Variants in NBAS observed in about 807,000 individuals in gnomAD.
NBAS encodes NBAS subunit of NRZ tethering complex.
NBAS carries 219 observed loss-of-function variants against 302.5 expected under a neutral mutation model. The ratio of observed to expected loss-of-function variants is 0.72; its 90% CI spans 0.65 to 0.81. The LOEUF (loss-of-function observed/expected upper bound fraction) is 0.81, where lower values mean the gene tolerates loss of function less well. Ranked by LOEUF, NBAS falls within the 30% of genes least tolerant of loss-of-function variation. The pLI, the probability that NBAS is intolerant of heterozygous loss-of-function variation, is 0.00. For missense variants in NBAS, 2,932 were observed against 2,841.6 expected, an observed-to-expected ratio of 1.03 and a Z score of -0.72; for synonymous variants, 1,118 against 1,021.6, an observed-to-expected ratio of 1.09 and a Z score of -1.80.
At chr2:15,271,081 TG>T (rs1185132825) in intron 44 of NBAS, among the ~76,000 whole-genome samples, 3 of 152,200 alleles carry the variant, frequency 2.0e-5, no homozygotes, top group Non-Finnish European at 2.9e-5. Flanking sequence ...TTTCACTTTT[TG>T]GTCAAATTAT....
chr2:15,481,657 C>T (rs1036010367), intron 12 of NBAS, among the ~76,000 whole-genome samples: 3 of 152,170 alleles, frequency 2.0e-5, no homozygotes, highest in African/African-American at 7.2e-5. Flanking sequence ...CATGCCACTT[C>T]TCTGTATTTG....
chr2:15,280,418 A>C (rs1669772048), intron 42 of NBAS, among the ~76,000 whole-genome samples: 1 of 152,076 alleles, frequency 6.6e-6, no homozygotes, highest in Non-Finnish European at 1.5e-5. Flanking sequence ...GAGAGAATAA[A>C]GAGGATGGGG....
chr2:15,201,920 G>A (rs1292695180), intron 48 of NBAS, among the ~76,000 whole-genome samples: 2 of 152,162 alleles, frequency 1.3e-5, no homozygotes, highest in African/African-American at 4.8e-5. Context: ...CACAGAAAGA[G>A]TGTCCTGACC....
At chr2:15,158,551 C>T in the NBAS span, among the ~76,000 whole-genome samples, 1 of 152,200 alleles carries the variant, frequency 6.6e-6, no homozygotes, top group African/African-American at 2.4e-5. Context: ...TACCTGTTCT[C>T]TAAAGGGGAT....
chr2:15,397,441 G>T, intron 26 of NBAS: 1 of 443,538 alleles, frequency 2.3e-6, no homozygotes, highest in Non-Finnish European at 4.1e-6. Context: ...CTCCTTACAT[G>T]GGCTTTGGTG....
chr2:14,969,694 A>T, the NBAS span, among the ~76,000 whole-genome samples: 11 of 152,268 alleles, frequency 7.2e-5, no homozygotes, highest in Admixed American at 4.6e-4. Flanking sequence ...TATTTTTTTT[A>T]AATGCAGTGG....
the NBAS span, among the ~76,000 whole-genome samples, chr2:14,787,971 G>A: frequency 3.3e-5 from 5 of 152,268 alleles, no homozygotes; most frequent in Admixed American, 1.3e-4. Flanking sequence ...ATCAGACATA[G>A]ATTTGGTCTT....
intron 44 of NBAS, among the ~76,000 whole-genome samples, chr2:15,262,631 A>C (rs151020930): frequency 2.0e-5 from 3 of 152,346 alleles, no homozygotes; most frequent in East Asian, 3.9e-4. Flanking sequence ...TGTGTCTAAG[A>C]TCTATCAAGA....
At chr2:14,816,963 C>A in the NBAS span, among the ~76,000 whole-genome samples, 3 of 152,194 alleles carry the variant, frequency 2.0e-5, no homozygotes, top group Non-Finnish European at 4.4e-5. Context: ...GAAAAAGTCA[C>A]ATGCAGAATC....
the NBAS span, among the ~76,000 whole-genome samples, chr2:15,160,438 G>A: frequency 1.3e-5 from 2 of 152,288 alleles, no homozygotes; most frequent in South Asian, 4.1e-4. Context: ...GACACCCCGG[G>A]GCTGGGAGGA....
At chr2:15,092,548 G>A in the NBAS span, among the ~76,000 whole-genome samples, 4 of 151,862 alleles carry the variant, frequency 2.6e-5, no homozygotes, top group African/African-American at 7.3e-5. Context: ...TCCACATTTT[G>A]TACTGCAAAT....
intron 42 of NBAS, among the ~76,000 whole-genome samples, chr2:15,280,966 G>A (rs2148070752): frequency 6.6e-6 from 1 of 152,318 alleles, no homozygotes; most frequent in East Asian, 1.9e-4. Flanking sequence ...GGAAAACGTG[G>A]TCAAGATAAT....
the NBAS span, among the ~76,000 whole-genome samples, chr2:15,157,378 C>T: frequency 1.2e-4 from 19 of 152,270 alleles, no homozygotes; most frequent in East Asian, 3.7e-3. Context: ...GAGGAGGGCT[C>T]CTTCTCACCC....
intron 44 of NBAS, among the ~76,000 whole-genome samples, chr2:15,248,883 C>T (rs1668229446): frequency 1.3e-5 from 2 of 152,138 alleles, no homozygotes; most frequent in Non-Finnish European, 2.9e-5. Flanking sequence ...ACCAGAGATA[C>T]AAAGAGGAGC....
the NBAS span, among the ~76,000 whole-genome samples, chr2:15,117,952 G>T: frequency 6.6e-6 from 1 of 152,226 alleles, no homozygotes; most frequent in Non-Finnish European, 1.5e-5. Context: ...CACGCAGAAA[G>T]CCTAAGCAGC....
chr2:15,191,648 C>T (rs114362996), intron 48 of NBAS, among the ~76,000 whole-genome samples: 375 of 152,164 alleles, frequency 2.5e-3, no homozygotes, highest in Non-Finnish European at 3.8e-3. Flanking sequence ...CCCGGTGGCA[C>T]GACTAGCAAG....
intron 2 of NBAS, among the ~76,000 whole-genome samples, chr2:15,557,288 GCTTT>G (rs1182605368): frequency 1.3e-5 from 2 of 152,110 alleles, no homozygotes; most frequent in East Asian, 1.9e-4. Context: ...AAAAAACAAT[GCTTT>G]CTATCATCCT....
At chr2:14,897,060 CCT>C in the NBAS span, among the ~76,000 whole-genome samples, 1 of 142,522 alleles carries the variant, frequency 7.0e-6, no homozygotes, top group Non-Finnish European at 1.6e-5. Flanking sequence ...CTGAGCCGTT[CCT>C]CTTTTTTTTT....
chr2:15,040,290 T>C, the NBAS span, among the ~76,000 whole-genome samples: 2 of 152,152 alleles, frequency 1.3e-5, no homozygotes, highest in Middle Eastern at 3.4e-3. Flanking sequence ...GGTGGGAAAA[T>C]TGAGGCTCCA....
Sources: gnomAD v4.1 joint callset for allele counts (sites outside exome capture counted in the v4.1 genomes callset) on GRCh38, gnomAD v4.1.1 for gene constraint, MANE v1.5 for transcripts, NCBI Gene and HGNC (gene_info 2026-07-23, HGNC 2026-07-21) for gene names.